COG6: variants seen among roughly 807,000 people sequenced by gnomAD.
COG6 encodes the protein conserved oligomeric Golgi complex subunit 6.
A neutral mutation model predicts 88.8 loss-of-function variants in COG6; 74 were observed. The observed-to-expected ratio is 0.83, with a 90% CI of 0.69 to 1.01. The LOEUF (loss-of-function observed/expected upper bound fraction) is 1.01, where lower values mean the gene tolerates loss of function less well. COG6 is among the 50% of genes least tolerant of loss of function. The probability of loss-of-function intolerance (pLI) is 0.00; values close to 1 mark genes in which losing one functional copy is unlikely to be tolerated. For missense variants in COG6, 800 were observed against 797.9 expected, an observed-to-expected ratio of 1.00 and a Z score of -0.03; for synonymous variants, 286 against 278.7, an observed-to-expected ratio of 1.03 and a Z score of -0.26.
intron 4 of COG6, among the ~76,000 whole-genome samples, chr13:39,671,496 T>C (rs993013308): frequency 6.6e-6 from 1 of 151,894 alleles, no homozygotes; most frequent in African/African-American, 2.4e-5. Context: ...AGGTAGACTT[T>C]TTCTATATTC....
intron 13 of COG6, among the ~76,000 whole-genome samples, chr13:39,706,292 G>T (rs74044148): frequency 0.27 from 29,872 of 111,172 alleles, 4,562 homozygotes; most frequent in African/African-American, 0.36. Flanking sequence ...AATATATATA[G>T]AGAGAGAATG....
chr13:39,752,544 C>A lies in COG6; in HGVS notation c.*1451C>A. 8.1e-7 allele frequency: 1 copy of A among 1,235,998 alleles called. No individual in the cohort carries two copies. The highest frequency in any genetic ancestry group is 1.1e-6 in the Non-Finnish European group (1 of 948,318). 76.6% of individuals were successfully genotyped at this position (1,235,998 alleles called of 1,614,324 possible). A position where few individuals can be genotyped will look rare whatever the true frequency, so the allele number is the denominator to read the frequency against. ...TTCTACAGAGAAAGAAGATTGATAC[C>A]TTGCTATGAGTGAATTCCTTTGTTT... On this transcript the variant is annotated 3_prime_UTR_variant, in exon 19 of 19. Coordinates refer to ENST00000455146, the MANE Select transcript of COG6 (RefSeq NM_020751.3).
chr13:39,668,787 C>CAA (rs58876374), intron 4 of COG6, among the ~76,000 whole-genome samples: 314 of 89,548 alleles, frequency 3.5e-3, no homozygotes, highest in African/African-American at 0.012. Context: ...GACTCCGTCT[C>CAA]AAAAAAAAAA....
At chr13:39,690,759 C>A (rs1407880516) in intron 11 of COG6, among the ~76,000 whole-genome samples, 1 of 151,822 alleles carries the variant, frequency 6.6e-6, no homozygotes, top group Non-Finnish European at 1.5e-5. Flanking sequence ...AACTGTTACT[C>A]TAACTTGATC....
At chr13:39,722,885 A>G (rs986691899) in intron 15 of COG6, among the ~76,000 whole-genome samples, 7 of 152,150 alleles carry the variant, frequency 4.6e-5, no homozygotes, top group African/African-American at 1.4e-4. Context: ...AGAATTTACT[A>G]CCTGAGCTGT....
chr13:39,782,175 C>T (rs1197072977), intron 18 of COG6, among the ~76,000 whole-genome samples: 4 of 152,158 alleles, frequency 2.6e-5, no homozygotes, highest in Admixed American at 6.5e-5. Flanking sequence ...TTTCTAGAAA[C>T]CTCGCTCTTT....
At chr13:39,677,199 G>A (rs1876024151) in intron 4 of COG6, among the ~76,000 whole-genome samples, 1 of 152,128 alleles carries the variant, frequency 6.6e-6, no homozygotes, top group Non-Finnish European at 1.5e-5. Flanking sequence ...GTAATGCAGG[G>A]ACCATGCATG....
At chr13:39,770,557 C>T (rs538682203) in intron 18 of COG6, among the ~76,000 whole-genome samples, 2 of 152,282 alleles carry the variant, frequency 1.3e-5, no homozygotes, top group East Asian at 3.9e-4. Context: ...ACTGCCTCAC[C>T]CTGCCCCCTG....
At chr13:39,786,516 A>G (rs574996993) in intron 18 of COG6, among the ~76,000 whole-genome samples, 1 of 152,338 alleles carries the variant, frequency 6.6e-6, no homozygotes, top group East Asian at 1.9e-4. Context: ...TCACATTTCA[A>G]GAAAATGACA....
intron 18 of COG6, among the ~76,000 whole-genome samples, chr13:39,737,501 C>G (rs1254207807): frequency 6.7e-6 from 1 of 149,992 alleles, no homozygotes; most frequent in Non-Finnish European, 1.5e-5. Context: ...ATGTGGTGTT[C>G]TGTTCTGAGG....
chr13:39,717,790 G>A (rs750151784), intron 13 of COG6, among the ~76,000 whole-genome samples: 39 of 152,202 alleles, frequency 2.6e-4, no homozygotes, highest in African/African-American at 2.9e-4. Context: ...ATGATCACTC[G>A]AGCATGCAGT....
rs1265382344 is a variant in COG6 at position 39,719,246 on chromosome 13, C to T, written c.1295C>T (p.Pro432Leu). Residue 432 changes from proline to leucine, a missense_variant, in exon 14 of 19, where the codon CCA (proline) becomes CTA (leucine). Transcript: ENST00000455146. ...ASKLMDKVEL[P>L]PPDLGPSSAL... is the part of the protein sequence containing the mutation. The stretch of plus-strand genomic sequence containing the variant: ...CATCTCTTGTTTTAGGTTGAACTCC[C>T]ACCACCTGATCTTGGACCAAGTTCT... 2 of 1,612,522 alleles carry T rather than the reference C, an allele frequency of 1.2e-6. No homozygotes were observed. The highest frequency in any genetic ancestry group is 2.2e-5 in the South Asian group (2 of 91,042).
intron 13 of COG6, among the ~76,000 whole-genome samples, chr13:39,702,404 C>T (rs1877632402): frequency 6.6e-6 from 1 of 151,828 alleles, no homozygotes; most frequent in South Asian, 2.1e-4. Flanking sequence ...CAAAATTCAG[C>T]ATTTATATAT....
At chr13:39,677,659 T>C in intron 5 of COG6, 80 bp downstream of exon 5, 2 of 743,730 alleles carry the variant, frequency 2.7e-6, no homozygotes, top group South Asian at 3.7e-5. Context: ...TGAAGCTTTA[T>C]TTTCCCATTA....
rs1880688829 is a variant in COG6, at chr13:39,752,383, G to A, written c.*1290G>A. 1.0e-6 allele frequency: 1 copy of A among 977,630 alleles called. No homozygotes were observed. The highest frequency in any genetic ancestry group is 1.7e-5 in the African/African-American group (1 of 58,240). The allele number at this position is 977,630 out of a possible 1,614,324, so 60.6% of individuals were successfully genotyped here. A position where few individuals can be genotyped will look rare whatever the true frequency, so the allele number is the denominator to read the frequency against. ...TATACCTAATACAGTTCTTTTTGGA[G>A]TAAGAATGATTATATAATCGTTATC... On this transcript the variant is annotated 3_prime_UTR_variant, in exon 19 of 19. Transcript: ENST00000455146.
chr13:39,778,225 A>C (rs1252918556), intron 18 of COG6, among the ~76,000 whole-genome samples: 3 of 152,176 alleles, frequency 2.0e-5, no homozygotes, highest in Non-Finnish European at 2.9e-5. Flanking sequence ...GACAGGAAGG[A>C]CCCTAAAGGA....
chr13:39,732,644 T>C (rs1879514648), intron 18 of COG6, among the ~76,000 whole-genome samples: 1 of 152,176 alleles, frequency 6.6e-6, no homozygotes, highest in Non-Finnish European at 1.5e-5. Flanking sequence ...ATAGGCCAGT[T>C]GAACACTCCA....
rs368321471 is a variant in COG6, at chr13:39,655,731, C to T, written c.5C>T (p.Ala2Val). 3.1e-6 allele frequency: 5 copies of T among 1,593,916 alleles called. No homozygotes were observed. The African/African-American group carries it at 5.4e-5, about 17-fold the overall frequency. The part of the protein sequence containing the change: M[A>V]EGSGEVVAVS... The stretch of plus-strand genomic sequence containing the variant: ...GGGGGCGGGACGCGCAGCGCTATGG[C>T]AGAGGGCAGCGGGGAAGTGGTCGCA... The change falls in exon 1 of 19, where the codon GCA (alanine) becomes GTA (valine). Residue 2 changes from alanine to valine, a missense_variant. Coordinates refer to ENST00000455146, the MANE Select transcript of COG6 (RefSeq NM_020751.3).
At chr13:39,719,437 A>G in intron 14 of COG6, 70 bp downstream of exon 14, 1 of 1,465,398 alleles carries the variant, frequency 6.8e-7, no homozygotes, top group African/African-American at 1.6e-5. Context: ...CAATTCTGGA[A>G]TTTTGTAATT....
Sources: allele counts gnomAD v4.1 joint callset (sites outside exome capture counted in the v4.1 genomes callset), GRCh38; gene constraint gnomAD v4.1.1; transcripts MANE v1.5; gene names NCBI Gene and HGNC (gene_info 2026-07-23, HGNC 2026-07-21).